CELF2: variants seen among roughly 807,000 people sequenced by gnomAD.
The protein encoded by CELF2 is CUG triplet repeat RNA-binding protein 2.
A neutral mutation model predicts 62.6 loss-of-function variants in CELF2; 8 were observed. That is an observed-to-expected ratio of 0.13 (90% confidence interval 0.07 to 0.23). The LOEUF (loss-of-function observed/expected upper bound fraction) is 0.23. Ranked by LOEUF, CELF2 falls within the 10% of genes least tolerant of loss-of-function variation. The pLI is 1.00. For synonymous variants in CELF2, 258 were observed against 250.0 expected, an observed-to-expected ratio of 1.03 and a Z score of -0.30; for missense variants, 333 against 671.0, an observed-to-expected ratio of 0.50 and a Z score of 5.56.
At chr10:11,026,225 C>T (rs999280015) in intron 1 of CELF2, among the ~76,000 whole-genome samples, 2 of 152,182 alleles carry the variant, frequency 1.3e-5, no homozygotes, top group Admixed American at 1.3e-4. Context: ...CCCACTGCCA[C>T]CTGTTGCTGT....
At chr10:10,669,180 G>C in the CELF2 span, among the ~76,000 whole-genome samples, 6 of 152,318 alleles carry the variant, frequency 3.9e-5, no homozygotes, top group Non-Finnish European at 5.9e-5. Flanking sequence ...TGTGACCCTA[G>C]CTAATTGACT....
chr10:11,118,148 G>C (rs891581964), intron 1 of CELF2, among the ~76,000 whole-genome samples: 2 of 152,110 alleles, frequency 1.3e-5, no homozygotes, highest in Admixed American at 1.3e-4. Context: ...GATTTGCACA[G>C]TGAAGGTAAT....
chr10:10,565,550 A>C, the CELF2 span, among the ~76,000 whole-genome samples: 1 of 152,218 alleles, frequency 6.6e-6, no homozygotes, highest in African/African-American at 2.4e-5. Context: ...TCCTTATTCT[A>C]ACTTTTGTAA....
rs2071848172 is a variant in CELF2 at position 11,177,996 on chromosome 10, T to TG, written c.271+12316dup. On this transcript the variant is annotated intron_variant, in intron 2 of 12. Coordinates refer to ENST00000633077, the MANE Select transcript of CELF2 (RefSeq NM_001326342.2). This position sits in a 1 kb window ranked among gnomAD's most constrained non-coding sequence, Gnocchi z 4.8. ...CCTAGATTGGAACAGCGTGACTGCC[T>TG]GGTAGGATAAAGGAGACGACATCTG... 6.6e-6 allele frequency among the ~76,000 whole-genome samples: 1 copy of TG among 152,114 alleles called. No homozygotes were observed. Among genetic ancestry groups the TG allele is most frequent in the African/African-American group, 2.4e-5 (1 of 41,428 alleles).
chr10:10,468,413 C>T, the CELF2 span, among the ~76,000 whole-genome samples: 2 of 151,934 alleles, frequency 1.3e-5, no homozygotes, highest in Non-Finnish European at 2.9e-5. Flanking sequence ...ACTGGTAAAG[C>T]CATGTTCCAT....
At chr10:11,182,991 G>A (rs970920670) in intron 2 of CELF2, among the ~76,000 whole-genome samples, 9 of 152,082 alleles carry the variant, frequency 5.9e-5, no homozygotes, top group South Asian at 2.1e-4. Context: ...ATTGATATGC[G>A]GCAAACTTCA....
the CELF2 span, among the ~76,000 whole-genome samples, chr10:10,522,563 T>G: frequency 1.5e-4 from 23 of 152,190 alleles, no homozygotes; most frequent in South Asian, 4.2e-4. Flanking sequence ...TGGTGGTGGT[T>G]GTTGTTGTTA....
At chr10:11,313,101 A>T (rs2094669253) in intron 9 of CELF2, among the ~76,000 whole-genome samples, 2 of 152,366 alleles carry the variant, frequency 1.3e-5, no homozygotes, top group South Asian at 4.1e-4. Context: ...AAAAGATGGC[A>T]AAAGATATCC....
chr10:10,649,758 C>T, the CELF2 span, among the ~76,000 whole-genome samples: 3 of 152,160 alleles, frequency 2.0e-5, no homozygotes, highest in South Asian at 6.2e-4. Flanking sequence ...AGACAGACAT[C>T]CCAACACTGC....
the CELF2 span, among the ~76,000 whole-genome samples, chr10:10,511,099 T>A: frequency 6.6e-6 from 1 of 152,138 alleles, no homozygotes; most frequent in African/African-American, 2.4e-5. Flanking sequence ...AGTTATATGA[T>A]CTCTTTTACT....
chr10:10,792,349 G>GTGGGGAT, the CELF2 span: 1 of 398,354 alleles, frequency 2.5e-6, no homozygotes, highest in Non-Finnish European at 4.4e-6. Context: ...GGAGTGGGGA[G>GTGGGGAT]TGGGTAATAA....
At chr10:11,262,437 A>C (rs1297925445) in intron 5 of CELF2, among the ~76,000 whole-genome samples, 1 of 152,242 alleles carries the variant, frequency 6.6e-6, no homozygotes, top group Non-Finnish European at 1.5e-5. Context: ...AGCTCTGCCC[A>C]CACAGTACCT....
chr10:10,848,411 T>G (rs897378936), intron 1 of CELF2, among the ~76,000 whole-genome samples: 1 of 152,212 alleles, frequency 6.6e-6, no homozygotes, highest in Non-Finnish European at 1.5e-5. Flanking sequence ...TTTAAAAGCA[T>G]GACCTGTGAA....
At chr10:11,182,990 C>T (rs140233710) in intron 2 of CELF2, among the ~76,000 whole-genome samples, 15 of 152,254 alleles carry the variant, frequency 9.9e-5, no homozygotes, top group Admixed American at 3.3e-4. Context: ...AATTGATATG[C>T]GGCAAACTTC....
chr10:10,540,622 A>G, the CELF2 span, among the ~76,000 whole-genome samples: 1 of 152,196 alleles, frequency 6.6e-6, no homozygotes. Context: ...AGTGAATATT[A>G]CAAGTGATGA....
upstream of CELF2, among the ~76,000 whole-genome samples, chr10:10,796,233 T>TG (rs1005929365): frequency 1.3e-5 from 2 of 152,160 alleles, no homozygotes; most frequent in African/African-American, 4.8e-5. Context: ...CATTAACAAA[T>TG]GGGGAGTACA....
At position 11,165,753 on chromosome 10, in the gene CELF2, C is replaced by A; in HGVS notation, c.271+71C>A. Reference sequence around the variant, plus strand: ...GCGGGGCACTGGGGCTGTCCGAGCCCCCAGCCTGCAGGAGGAAGGGCGGGT... The same window carrying A: ...GCGGGGCACTGGGGCTGTCCGAGCCACCAGCCTGCAGGAGGAAGGGCGGGT... On this transcript the variant is annotated intron_variant, in intron 2 of 12. Coordinates refer to ENST00000633077, the MANE Select transcript of CELF2 (RefSeq NM_001326342.2). This position sits in a 1 kb window ranked among gnomAD's most constrained non-coding sequence, Gnocchi z 7.4. 1 of 1,422,454 alleles carries A rather than the reference C, an allele frequency of 7.0e-7. No homozygotes were observed. The highest frequency in any genetic ancestry group is 1.4e-5 in the African/African-American group (1 of 69,762). 88.1% of individuals were successfully genotyped at this position (1,422,454 alleles called of 1,614,324 possible).
chr10:10,838,911 G>A (rs747718628), intron 1 of CELF2, among the ~76,000 whole-genome samples: 16 of 151,974 alleles, frequency 1.1e-4, no homozygotes, highest in East Asian at 3.9e-4. Context: ...AGGCCGAGGC[G>A]GGCAGGTCAC....
At chr10:11,275,791 G>A (rs1044818165) in intron 8 of CELF2, among the ~76,000 whole-genome samples, 5 of 152,170 alleles carry the variant, frequency 3.3e-5, no homozygotes, top group African/African-American at 7.2e-5. Flanking sequence ...GGTGATTAGC[G>A]AAAGGTCACT....
Sources: gnomAD v4.1 joint callset for allele counts (sites outside exome capture counted in the v4.1 genomes callset) on GRCh38, gnomAD v4.1.1 for gene constraint, Gnocchi (gnomAD v3.1) non-coding constraint, MANE v1.5 for transcripts, NCBI Gene and HGNC (gene_info 2026-07-23, HGNC 2026-07-21) for gene names.